Variants in OR1J2 observed in about 807,000 individuals in gnomAD.
The protein encoded by OR1J2 is olfactory receptor 1J2.
For missense variants in OR1J2, 304 were observed against 246.1 expected, an observed-to-expected ratio of 1.24 and a Z score of -1.57; for synonymous variants, 142 against 99.7, an observed-to-expected ratio of 1.42 and a Z score of -2.52.
the OR1J2 span, among the ~76,000 whole-genome samples, chr9:122,539,457 T>TGGCTGCA: frequency 6.6e-6 from 1 of 152,254 alleles, no homozygotes; most frequent in Non-Finnish European, 1.5e-5. Context: ...TCATTTTTTA[T>TGGCTGCA]GGCTGCATAG....
the OR1J2 span, chr9:122,519,937 C>A: frequency 1.2e-6 from 2 of 1,614,138 alleles, no homozygotes; most frequent in East Asian, 2.2e-5. Flanking sequence ...TCATCCAGTG[C>A]CTCCAGTGAC....
chr9:122,552,037 A>ACACTCTCTCTCTCTCTCT, the OR1J2 span, among the ~76,000 whole-genome samples: 23 of 16,944 alleles, frequency 1.4e-3, no homozygotes, highest in Non-Finnish European at 4.0e-4. Context: ...TAGGACACAT[A>ACACTCTCTCTCTCTCTCT]CACACACACA....
At chr9:122,518,300 T>C in the OR1J2 span, among the ~76,000 whole-genome samples, 1 of 152,236 alleles carries the variant, frequency 6.6e-6, no homozygotes, top group Non-Finnish European at 1.5e-5. Context: ...ACTGAGTGTC[T>C]TAGTCGGTTG....
the OR1J2 span, chr9:122,553,338 G>A: frequency 6.2e-7 from 1 of 1,613,870 alleles, no homozygotes; most frequent in East Asian, 2.2e-5. Flanking sequence ...GGTCACCATG[G>A]TGGGGAACCT....
the OR1J2 span, among the ~76,000 whole-genome samples, chr9:122,502,992 T>C: frequency 6.6e-6 from 1 of 152,224 alleles, no homozygotes; most frequent in Non-Finnish European, 1.5e-5. Flanking sequence ...AAGAATAGTA[T>C]TCCAACCCTC....
chr9:122,477,754 G>T, the OR1J2 span: 2 of 1,614,108 alleles, frequency 1.2e-6, no homozygotes, highest in Non-Finnish European at 1.7e-6. Flanking sequence ...GAAGTACATG[G>T]GGGTGTGAAG....
At chr9:122,458,805 C>T in the OR1J2 span, among the ~76,000 whole-genome samples, 2 of 151,984 alleles carry the variant, frequency 1.3e-5, no homozygotes, top group Admixed American at 6.6e-5. Context: ...AACTGTCAGC[C>T]ATTGTCTCAT....
chr9:122,477,556 A>G, the OR1J2 span: 10 of 1,613,890 alleles, frequency 6.2e-6, no homozygotes, highest in Non-Finnish European at 8.5e-6. Flanking sequence ...ACAGATGGCC[A>G]CATACCTGTC....
At chr9:122,572,938 ACTACT>A in the OR1J2 span, 3 of 152,228 alleles carry the variant, frequency 2.0e-5, no homozygotes, top group Non-Finnish European at 4.4e-5. Flanking sequence ...GAACTGAAAC[ACTACT>A]CTAAAGGAAT....
At chr9:122,453,672 C>T in the OR1J2 span, among the ~76,000 whole-genome samples, 1 of 152,192 alleles carries the variant, frequency 6.6e-6, no homozygotes, top group Non-Finnish European at 1.5e-5. Flanking sequence ...TGGTATGTGA[C>T]AACCAGGTCA....
the OR1J2 span, among the ~76,000 whole-genome samples, chr9:122,574,000 G>A: frequency 9.5e-4 from 144 of 152,224 alleles, no homozygotes; most frequent in Admixed American, 1.8e-3. Context: ...TCTTTGCTCC[G>A]TTATATGTCT....
the OR1J2 span, among the ~76,000 whole-genome samples, chr9:122,495,706 G>T: frequency 6.6e-6 from 1 of 151,976 alleles, no homozygotes; most frequent in Non-Finnish European, 1.5e-5. Context: ...ATTTCATCTT[G>T]GTTTGGATCC....
At chr9:122,467,488 T>C in the OR1J2 span, among the ~76,000 whole-genome samples, 1 of 152,238 alleles carries the variant, frequency 6.6e-6, no homozygotes, top group Admixed American at 6.5e-5. Flanking sequence ...TGTCATTCCC[T>C]GTTCAGAAAA....
chr9:122,501,333 C>T, the OR1J2 span, among the ~76,000 whole-genome samples: 1 of 152,282 alleles, frequency 6.6e-6, no homozygotes, highest in Middle Eastern at 3.4e-3. Flanking sequence ...CCTGTAGACA[C>T]TACTGCTGTG....
chr9:122,508,125 GGGGA>G (rs200438222), upstream of OR1J2, among the ~76,000 whole-genome samples: 574 of 148,410 alleles, frequency 3.9e-3, 2 homozygotes, highest in Non-Finnish European at 6.0e-3. Flanking sequence ...AGAGTGAGGG[GGGGA>G]GAGAGAGAGA....
At chr9:122,539,361 G>A in the OR1J2 span, among the ~76,000 whole-genome samples, 9 of 151,938 alleles carry the variant, frequency 5.9e-5, no homozygotes, top group African/African-American at 9.7e-5. Flanking sequence ...GAGAACATGC[G>A]GTGTTTGGTT....
chr9:122,543,149 C>G, the OR1J2 span, among the ~76,000 whole-genome samples: 1 of 152,146 alleles, frequency 6.6e-6, no homozygotes, highest in African/African-American at 2.4e-5. Flanking sequence ...TTTTCCAAAG[C>G]AGTTGTGCCA....
the OR1J2 span, among the ~76,000 whole-genome samples, chr9:122,504,980 G>A: frequency 3.3e-5 from 5 of 151,978 alleles, no homozygotes; most frequent in African/African-American, 1.2e-4. Context: ...AGCTGCTACT[G>A]GCCAATATTC....
At chr9:122,473,856 C>G in the OR1J2 span, among the ~76,000 whole-genome samples, 1 of 152,182 alleles carries the variant, frequency 6.6e-6, no homozygotes, top group African/African-American at 2.4e-5. Context: ...CCTAGGAATT[C>G]TTGCAGACTT....
Sources: allele counts gnomAD v4.1 joint callset (sites outside exome capture counted in the v4.1 genomes callset), GRCh38; gene constraint gnomAD v4.1.1; transcripts MANE v1.5; gene names NCBI Gene and HGNC (gene_info 2026-07-23, HGNC 2026-07-21).